The following FOCAD variants were observed in gnomAD, a reference collection of about 807,000 sequenced individuals.
The protein encoded by FOCAD is focadhesin.
FOCAD carries 198 observed loss-of-function variants against 225.6 expected under a neutral mutation model. That is an observed-to-expected ratio of 0.88 (90% CI 0.78 to 0.99). The LOEUF is 0.99. FOCAD is among the 50% of genes least tolerant of loss of function. The pLI, the probability that FOCAD is intolerant of heterozygous loss-of-function variation, is 0.00. For missense variants in FOCAD, 2,713 were observed against 2,123.6 expected (o/e 1.28, Z -5.46); for synonymous variants, 897 against 755.0 (o/e 1.19, Z -3.08).
At chr9:20,732,076 A>G (rs1201703662) in intron 4 of FOCAD, among the ~76,000 whole-genome samples, 1 of 152,162 alleles carries the variant, frequency 6.6e-6, no homozygotes, top group Non-Finnish European at 1.5e-5. Flanking sequence ...CCCAGCATGC[A>G]TTAACTCTTT....
At chr9:20,670,415 G>C (rs1358627485) in intron 2 of FOCAD, among the ~76,000 whole-genome samples, 3 of 152,206 alleles carry the variant, frequency 2.0e-5, no homozygotes, top group African/African-American at 7.2e-5. Context: ...GATTGATACA[G>C]TTCTGCATGG....
At chr9:20,988,742 AACAC>A (rs1841403524) in intron 41 of FOCAD, among the ~76,000 whole-genome samples, 1 of 152,090 alleles carries the variant, frequency 6.6e-6, no homozygotes, top group Non-Finnish European at 1.5e-5. Context: ...TGACAGACAG[AACAC>A]AAAGGACACT....
chr9:20,835,749 C>T (rs1825934045), intron 15 of FOCAD, among the ~76,000 whole-genome samples: 1 of 152,042 alleles, frequency 6.6e-6, no homozygotes, highest in African/African-American at 2.4e-5. Flanking sequence ...GAGGCAGTGC[C>T]ACTCCTGTGT....
chr9:20,857,785 G>GTTT (rs35820198), intron 15 of FOCAD, among the ~76,000 whole-genome samples: 7,017 of 105,962 alleles, frequency 0.066, 609 homozygotes, highest in African/African-American at 0.19. Flanking sequence ...TTTTTTTTGA[G>GTTT]TTTTTTTTTT....
chr9:20,829,926 A>G (rs1825317206), intron 15 of FOCAD, among the ~76,000 whole-genome samples: 1 of 152,082 alleles, frequency 6.6e-6, no homozygotes. Context: ...TAAAGTCATT[A>G]TATTTATTAT....
intron 24 of FOCAD, among the ~76,000 whole-genome samples, chr9:20,919,019 A>C (rs981248577): frequency 6.6e-6 from 1 of 152,270 alleles, no homozygotes; most frequent in African/African-American, 2.4e-5. Flanking sequence ...CAGAGCTAGA[A>C]GTTAAATGCA....
intron 5 of FOCAD, among the ~76,000 whole-genome samples, chr9:20,752,015 T>A (rs1371489973): frequency 2.8e-5 from 4 of 145,344 alleles, no homozygotes; most frequent in Middle Eastern, 3.4e-3. Context: ...GTTTGTTTTT[T>A]TCTTGTAAAT....
chr9:20,835,199 CT>C (rs1182223622), intron 15 of FOCAD, among the ~76,000 whole-genome samples: 2 of 151,954 alleles, frequency 1.3e-5, no homozygotes, highest in African/African-American at 4.8e-5. Flanking sequence ...TAAAAGCTAC[CT>C]TTTTTTCATG....
chr9:20,926,185 ACTTTTTGATAACAG>A lies in FOCAD; in HGVS notation c.2962-114_2962-101del, dbSNP rs918855448. ...CTTATAGTCCAAGCAGATGAAGTTTACTTTTTGATAACAGCACTTTATTGTTTAATATAGAAGGG... is the reference window on the plus strand; with the variant it reads ...CTTATAGTCCAAGCAGATGAAGTTTACACTTTATTGTTTAATATAGAAGGG... On this transcript the variant is annotated intron_variant, in intron 25 of 43. Coordinates refer to ENST00000338382, the MANE Select transcript of FOCAD (RefSeq NM_001375567.1). 7.2e-4 allele frequency: 465 copies of A among 645,688 alleles called. 1 individual carries two copies. The highest frequency in any genetic ancestry group is 2.6e-4 in the Non-Finnish European group (94 of 367,576). 40.0% of individuals were successfully genotyped at this position (645,688 alleles called of 1,614,324 possible).
At chr9:20,699,179 G>C (rs1181667126) in intron 1 of FOCAD, among the ~76,000 whole-genome samples, 1 of 152,164 alleles carries the variant, frequency 6.6e-6, no homozygotes, top group Non-Finnish European at 1.5e-5. Flanking sequence ...TCTGATCTTT[G>C]ATAACCTTTC....
At chr9:20,675,402 A>G (rs1312951733) in intron 2 of FOCAD, among the ~76,000 whole-genome samples, 1 of 152,226 alleles carries the variant, frequency 6.6e-6, no homozygotes, top group Non-Finnish European at 1.5e-5. Context: ...TGGATTGTGG[A>G]TTATTTTGTT....
At chr9:20,858,321 G>A (rs924417517) in intron 15 of FOCAD, among the ~76,000 whole-genome samples, 7 of 151,946 alleles carry the variant, frequency 4.6e-5, no homozygotes, top group African/African-American at 1.7e-4. Context: ...AATCTTGGTA[G>A]GCCATATGTG....
rs548164470 is a variant in FOCAD at position 20,740,133 on chromosome 9, T to G, written c.288-103T>G. On this transcript the variant is annotated intron_variant, in intron 4 of 43. Coordinates refer to ENST00000338382, the MANE Select transcript of FOCAD (RefSeq NM_001375567.1). ...GCCTGTGGGTGGCTACTGTTTAATG[T>G]GGGTGGCAAGTATTAAAATTATTTT... The G allele has an allele frequency of 1.2e-4, 85 of 707,120 alleles. 1 individual carries two copies. The South Asian group carries it at 1.6e-3, about 13-fold the overall frequency. 43.8% of individuals were successfully genotyped at this position (707,120 alleles called of 1,614,324 possible). A position where few individuals can be genotyped will look rare whatever the true frequency, so the allele number is the denominator to read the frequency against.
intron 2 of FOCAD, 53 bp from the exon 3 acceptor site, chr9:20,717,741 A>T (rs1363427275): frequency 7.1e-7 from 1 of 1,406,018 alleles, no homozygotes; most frequent in Middle Eastern, 1.8e-4. Context: ...TAGTATTGAT[A>T]TTTGGAAAGA....
intron 2 of FOCAD, among the ~76,000 whole-genome samples, chr9:20,674,133 C>G (rs1234810190): frequency 6.6e-6 from 1 of 151,986 alleles, no homozygotes; most frequent in East Asian, 1.9e-4. Context: ...TAAACACAGT[C>G]CTTATTAAAA....
At chr9:20,824,682 T>G (rs1318996100) in intron 15 of FOCAD, among the ~76,000 whole-genome samples, 1 of 152,082 alleles carries the variant, frequency 6.6e-6, no homozygotes, top group Non-Finnish European at 1.5e-5. Flanking sequence ...TTTAGTTAGC[T>G]TCTCTGAAAC....
intron 21 of FOCAD, among the ~76,000 whole-genome samples, chr9:20,894,283 A>C (rs1028315824): frequency 6.6e-6 from 1 of 152,142 alleles, no homozygotes; most frequent in Non-Finnish European, 1.5e-5. Context: ...TACCTACAGA[A>C]GGATATTTTG....
intron 11 of FOCAD, among the ~76,000 whole-genome samples, chr9:20,798,716 C>T (rs1451691455): frequency 1.3e-5 from 2 of 151,880 alleles, no homozygotes; most frequent in Non-Finnish European, 2.9e-5. Flanking sequence ...TTTTTTATTG[C>T]ATCTATTTGA....
intron 11 of FOCAD, among the ~76,000 whole-genome samples, chr9:20,807,538 A>T (rs1822588737): frequency 6.6e-6 from 1 of 152,240 alleles, no homozygotes; most frequent in African/African-American, 2.4e-5. Context: ...CTATGTAATT[A>T]GCATAAAAAT....
Sources: gnomAD v4.1 joint callset for allele counts (sites outside exome capture counted in the v4.1 genomes callset) on GRCh38, gnomAD v4.1.1 for gene constraint, MANE v1.5 for transcripts, NCBI Gene and HGNC (gene_info 2026-07-23, HGNC 2026-07-21) for gene names.